Variants in RALGPS1 observed in about 807,000 individuals in gnomAD.
RALGPS1 encodes the protein ras-specific guanine nucleotide-releasing factor RalGPS1.
A neutral mutation model predicts 78.8 loss-of-function variants in RALGPS1; 19 were observed. That is an observed-to-expected ratio of 0.24 (90% CI 0.17 to 0.35). The LOEUF (loss-of-function observed/expected upper bound fraction) is 0.35, where lower values mean the gene tolerates loss of function less well. Ranked by LOEUF, RALGPS1 falls within the 10% of genes least tolerant of loss-of-function variation. The pLI, the probability that RALGPS1 is intolerant of heterozygous loss-of-function variation, is 1.00. For missense variants in RALGPS1, 454 were observed against 688.3 expected, an observed-to-expected ratio of 0.66 and a Z score of 3.81; for synonymous variants, 228 against 256.3, an observed-to-expected ratio of 0.89 and a Z score of 1.06.
intron 8 of RALGPS1, among the ~76,000 whole-genome samples, chr9:127,164,272 G>A (rs1007485780): frequency 6.6e-6 from 1 of 152,128 alleles, no homozygotes; most frequent in African/African-American, 2.4e-5. Context: ...GTCCTGCTGT[G>A]TTGCCCAGGC....
At chr9:127,142,483 A>C (rs2057847779) in intron 8 of RALGPS1, among the ~76,000 whole-genome samples, 1 of 152,142 alleles carries the variant, frequency 6.6e-6, no homozygotes, top group South Asian at 2.1e-4. Flanking sequence ...GCGCATCTGG[A>C]GGGAAGCAGA....
chr9:127,052,633 A>C (rs1394925905), intron 6 of RALGPS1, among the ~76,000 whole-genome samples: 1 of 152,236 alleles, frequency 6.6e-6, no homozygotes, highest in Admixed American at 6.5e-5. Flanking sequence ...TGTCCAGACT[A>C]GTCAGACTCA....
At chr9:127,060,015 T>C (rs1300282911) in intron 7 of RALGPS1, among the ~76,000 whole-genome samples, 7 of 152,204 alleles carry the variant, frequency 4.6e-5, no homozygotes, top group Admixed American at 2.0e-4. Flanking sequence ...GTGTTAAAAA[T>C]AAAGTGCTCT....
intron 3 of RALGPS1, among the ~76,000 whole-genome samples, chr9:126,976,399 ACAGT>A (rs2040645960): frequency 2.0e-5 from 3 of 146,638 alleles, no homozygotes; most frequent in Admixed American, 7.0e-5. Flanking sequence ...ACTCACATTC[ACAGT>A]CACACACACC....
chr9:126,946,029 G>A (rs1325256559), intron 1 of RALGPS1, among the ~76,000 whole-genome samples: 9 of 152,156 alleles, frequency 5.9e-5, no homozygotes, highest in African/African-American at 2.2e-4. Context: ...ATAGAGGGAC[G>A]GGGCGCAGCA....
At chr9:127,027,509 A>T (rs1199654194) in intron 4 of RALGPS1, among the ~76,000 whole-genome samples, 2 of 152,210 alleles carry the variant, frequency 1.3e-5, no homozygotes, top group Non-Finnish European at 2.9e-5. Context: ...TTACAGTGAA[A>T]TATATACAAA....
chr9:126,962,915 G>A (rs933470131), intron 2 of RALGPS1, among the ~76,000 whole-genome samples: 58 of 152,184 alleles, frequency 3.8e-4, no homozygotes, highest in African/African-American at 1.4e-3. Flanking sequence ...CTGCTCCTCG[G>A]ACAGATTGGC....
intron 6 of RALGPS1, among the ~76,000 whole-genome samples, chr9:127,050,408 A>T (rs530068106): frequency 2.0e-5 from 3 of 152,342 alleles, no homozygotes; most frequent in Admixed American, 6.5e-5. Flanking sequence ...GGGCTTTCAC[A>T]GTCTCTCCGC....
chr9:126,943,442 C>G lies in RALGPS1; in HGVS notation c.-65-18783C>G, dbSNP rs1588556774. 2.0e-5 allele frequency among the ~76,000 whole-genome samples: 3 copies of G among 152,150 alleles called. No individual in the cohort carries two copies. In the South Asian group the frequency reaches 6.2e-4, roughly 31 times the overall value. ...ACAGGCGTGAACCACCGTGCCTGGC[C>G]TTATGTTTTATTTATTTGGTCCTTT... On this transcript the variant is annotated intron_variant, in intron 1 of 18. Coordinates refer to ENST00000259351, the MANE Select transcript of RALGPS1 (RefSeq NM_014636.3).
intron 11 of RALGPS1, among the ~76,000 whole-genome samples, chr9:127,191,791 A>G (rs541367859): frequency 1.8e-4 from 25 of 139,000 alleles, no homozygotes; most frequent in East Asian, 1.8e-3. Context: ...TCTGCCTCCC[A>G]GGTTCACGCC....
At chr9:127,101,393 A>G (rs60352438) in intron 8 of RALGPS1, among the ~76,000 whole-genome samples, 2,544 of 152,222 alleles carry the variant, frequency 0.017, 78 homozygotes, top group African/African-American at 0.058. Flanking sequence ...GTGTCCCCAT[A>G]AGACTGTGGG....
intron 1 of RALGPS1, among the ~76,000 whole-genome samples, chr9:126,945,007 A>T (rs2037122466): frequency 1.3e-5 from 2 of 152,294 alleles, no homozygotes; most frequent in South Asian, 4.1e-4. Flanking sequence ...TGTTGTAGGC[A>T]CCTGGCCTGG....
chr9:127,193,853 C>T (rs1008140180), intron 11 of RALGPS1, among the ~76,000 whole-genome samples: 1 of 152,172 alleles, frequency 6.6e-6, no homozygotes, highest in Non-Finnish European at 1.5e-5. Context: ...CACTCTTTCC[C>T]ACCCCCAGGG....
chr9:127,131,082 C>T lies in RALGPS1; in HGVS notation c.611-34987C>T, dbSNP rs557588763. On this transcript the variant is annotated intron_variant, in intron 8 of 18. Coordinates refer to ENST00000259351, the MANE Select transcript of RALGPS1 (RefSeq NM_014636.3). The stretch of plus-strand genomic sequence containing the variant: ...CACTATTGGCCGCTCCTTGGTGACT[C>T]AGTCGTCTTGAATAGACTAGCTTGA... 5.9e-5 allele frequency among the ~76,000 whole-genome samples: 9 copies of T among 152,356 alleles called. No homozygotes were observed. In the South Asian group the frequency reaches 1.9e-3, roughly 32 times the overall value.
Position 127,218,098 on chromosome 9 carries a change from C to T in RALGPS1, c.1645-642C>T, listed in dbSNP as rs2062670660. ...AAATGAAATTATTTCTAATCAAATCCTCCCACAGCAGTGCTGAGGGAGGAG... is the reference window on the plus strand; with the variant it reads ...AAATGAAATTATTTCTAATCAAATCTTCCCACAGCAGTGCTGAGGGAGGAG... On this transcript the variant is annotated intron_variant, in intron 18 of 18. Coordinates refer to ENST00000259351, the MANE Select transcript of RALGPS1 (RefSeq NM_014636.3). The surrounding 1 kb of genome is among the most constrained non-coding windows in gnomAD (Gnocchi z 4.4). Among the ~76,000 whole-genome samples, 1 of 152,070 alleles carries T rather than the reference C, an allele frequency of 6.6e-6. No homozygotes were observed. The highest frequency in any genetic ancestry group is 1.9e-4 in the East Asian group (1 of 5,190).
chr9:127,044,849 G>A (rs1364748796), intron 5 of RALGPS1, among the ~76,000 whole-genome samples: 3 of 152,166 alleles, frequency 2.0e-5, no homozygotes, highest in Admixed American at 1.3e-4. Context: ...GCATATGGAG[G>A]ATGCCTTTTC....
chr9:127,067,895 A>C (rs2049856832), intron 7 of RALGPS1, among the ~76,000 whole-genome samples: 1 of 152,146 alleles, frequency 6.6e-6, no homozygotes, highest in Non-Finnish European at 1.5e-5. Context: ...TCTTTCCTTA[A>C]AGCCACGTTT....
chr9:127,013,382 C>T (rs1248589359), intron 4 of RALGPS1, among the ~76,000 whole-genome samples: 1 of 152,156 alleles, frequency 6.6e-6, no homozygotes, highest in Admixed American at 6.5e-5. Flanking sequence ...TGCCCCAAAC[C>T]AAGCCTGATT....
intron 11 of RALGPS1, among the ~76,000 whole-genome samples, chr9:127,190,784 A>G (rs547602595): frequency 2.6e-5 from 4 of 152,340 alleles, no homozygotes; most frequent in African/African-American, 9.6e-5. Context: ...CACCAGGTAT[A>G]AAAGGCAGGG....
Sources: gnomAD v4.1 joint callset for allele counts (sites outside exome capture counted in the v4.1 genomes callset) on GRCh38, gnomAD v4.1.1 for gene constraint, Gnocchi (gnomAD v3.1) non-coding constraint, MANE v1.5 for transcripts, NCBI Gene and HGNC (gene_info 2026-07-23, HGNC 2026-07-21) for gene names.